KLHL23: variants seen among roughly 807,000 people sequenced by gnomAD.
The protein encoded by KLHL23 is kelch-like protein 23.
In KLHL23, 33 loss-of-function variants were observed where a neutral mutation model predicts 48.9. That is an observed-to-expected ratio of 0.67 (90% CI 0.51 to 0.90). The LOEUF is 0.90. Among genes scored for constraint, KLHL23 ranks in the 40% least tolerant of loss-of-function variants. KLHL23 has a pLI of 0.00. For synonymous variants in KLHL23, 234 were observed against 231.6 expected (o/e 1.01, Z -0.09); for missense variants, 608 against 669.6 (o/e 0.91, Z 1.02).
chr2:169,735,282 G>A lies in KLHL23; in HGVS notation c.268G>A (p.Gly90Ser). ...LSGIHHDILEGLVNYAYTSQI... is the reference protein window; with the variant it reads ...LSGIHHDILESLVNYAYTSQI... ...TGGCATCCACCATGATATTCTGGAA[G>A]GCCTTGTAAATTATGCATACACTTC... Residue 90 changes from glycine to serine, a missense_variant, in exon 2 of 4, where the codon GGC (glycine) becomes AGC (serine). Around this residue, in one of 3 missense-constraint regions of KLHL23, gnomAD observed 419 missense variants for 473.1 expected, o/e 0.89. Coordinates refer to ENST00000392647, the MANE Select transcript of KLHL23 (RefSeq NM_144711.6). The surrounding 1 kb of genome is among the most constrained non-coding windows in gnomAD (Gnocchi z 4.5). 1 of 1,612,300 alleles carries A rather than the reference G, an allele frequency of 6.2e-7. No homozygotes were observed. Among genetic ancestry groups the A allele is most frequent in the South Asian group, 1.1e-5 (1 of 90,264 alleles).
intron 3 of KLHL23, among the ~76,000 whole-genome samples, chr2:169,747,882 A>G (rs1688831977): frequency 6.6e-6 from 1 of 152,076 alleles, no homozygotes; most frequent in Non-Finnish European, 1.5e-5. Flanking sequence ...CTGCACTTTG[A>G]GAGGCTGAGG....
Position 169,749,600 on chromosome 2 carries a change from A to T in KLHL23, c.1545A>T (p.Gly515=), listed in dbSNP as rs1688892395. ...ATGGATGTATTTATGTCACTGGAGG[A>T]TACTCCTACTCAAAGGGAACGTATC... ...IMNGCIYVTG[G]YSYSKGTYLQ... Residue 515 remains glycine, a synonymous_variant, in exon 4 of 4, where the codon GGA becomes GGT. Coordinates refer to ENST00000392647, the MANE Select transcript of KLHL23 (RefSeq NM_144711.6). 1 of 1,614,016 alleles carries T rather than the reference A, an allele frequency of 6.2e-7. No individual in the cohort carries two copies. The highest frequency in any genetic ancestry group is 8.5e-7 in the Non-Finnish European group (1 of 1,180,010).
intron 1 of KLHL23, among the ~76,000 whole-genome samples, chr2:169,734,800 A>G (rs1688472623): frequency 6.6e-6 from 1 of 152,268 alleles, no homozygotes; most frequent in East Asian, 1.9e-4. Context: ...TGAAAAATCC[A>G]GGAGCCTCAT....
rs758769005 is a variant in KLHL23 at position 169,735,791 on chromosome 2, C to T, written c.777C>T (p.Ala259=). The T allele has an allele frequency of 6.2e-7, 1 of 1,614,102 alleles. No individual in the cohort carries two copies. Among genetic ancestry groups the T allele is most frequent in the African/African-American group, 1.3e-5 (1 of 75,052 alleles). The change falls in exon 2 of 4, where the codon GCC becomes GCT. Residue 259 remains alanine, a synonymous_variant. Coordinates refer to ENST00000392647, the MANE Select transcript of KLHL23 (RefSeq NM_144711.6). This position sits in a 1 kb window ranked among gnomAD's most constrained non-coding sequence, Gnocchi z 4.5. ...ENKIRSLIYN[A]LNPMHKEISQ... is the part of the protein sequence containing the mutation. Reference sequence around the variant, plus strand: ...AGATCCGCTCCCTAATATACAATGCCTTGAATCCCATGCATAAAGAGATTT... The same window carrying T: ...AGATCCGCTCCCTAATATACAATGCTTTGAATCCCATGCATAAAGAGATTT...
At chr2:169,734,987 C>A in intron 1 of KLHL23, 26 bp from the exon 2 acceptor site, 2 of 1,515,928 alleles carry the variant, frequency 1.3e-6, no homozygotes, top group Non-Finnish European at 1.8e-6. Flanking sequence ...ATTGAAAACA[C>A]ATTTGTTATT....
chr2:169,745,654 A>C (rs1268299775), intron 3 of KLHL23, among the ~76,000 whole-genome samples: 2 of 152,144 alleles, frequency 1.3e-5, no homozygotes, highest in Non-Finnish European at 2.9e-5. Context: ...TAGGAGTAGA[A>C]AAGAGGGGCC....
rs1688941108 is a variant in KLHL23, at chr2:169,750,173, TG to T, written c.*444del. The stretch of plus-strand genomic sequence containing the variant: ...GTATATATATACACAGTTGAATCAG[TG>T]GGATTAATACCTATAATCTCTGGTT... On this transcript the variant is annotated 3_prime_UTR_variant, in exon 4 of 4. Coordinates refer to ENST00000392647, the MANE Select transcript of KLHL23 (RefSeq NM_144711.6). The T allele has an allele frequency of 6.5e-6, 1 of 152,740 alleles. No homozygotes were observed. The highest frequency in any genetic ancestry group is 6.6e-5 in the Admixed American group (1 of 15,144). 9.5% of individuals were successfully genotyped at this position (152,740 alleles called of 1,614,324 possible).
rs1290003248 is a variant in KLHL23, at chr2:169,735,759, G to A, written c.745G>A (p.Glu249Lys). ...LGLQRSCLLTENKIRSLIYNA... is the reference protein window; with the variant it reads ...LGLQRSCLLTKNKIRSLIYNA... ...CCTTCAAAGAAGCTGCCTGCTCACC[G>A]AAAATAAGATCCGCTCCCTAATATA... Residue 249 changes from glutamate to lysine, a missense_variant, in exon 2 of 4, where the codon GAA (glutamate) becomes AAA (lysine). Transcript: ENST00000392647. The surrounding 1 kb of genome is among the most constrained non-coding windows in gnomAD (Gnocchi z 4.5). The A allele has an allele frequency of 1.5e-5, 25 of 1,613,908 alleles. No individual in the cohort carries two copies. The highest frequency in any genetic ancestry group is 2.0e-5 in the Non-Finnish European group (24 of 1,180,024).
At chr2:169,746,517 C>T (rs756029718) in intron 3 of KLHL23, among the ~76,000 whole-genome samples, 5 of 152,162 alleles carry the variant, frequency 3.3e-5, no homozygotes, top group African/African-American at 4.8e-5. Context: ...CTGCTGTGTG[C>T]ATCCTACATG....
At chr2:169,744,295 T>C (rs1252353731) in intron 3 of KLHL23, among the ~76,000 whole-genome samples, 1 of 152,220 alleles carries the variant, frequency 6.6e-6, no homozygotes, top group East Asian at 1.9e-4. Flanking sequence ...AAGGGAAATC[T>C]GACTATCTTA....
Position 169,750,654 on chromosome 2 carries a change from A to G in KLHL23, c.*922A>G, listed in dbSNP as rs2105663625. On this transcript the variant is annotated 3_prime_UTR_variant, in exon 4 of 4. Coordinates refer to ENST00000392647, the MANE Select transcript of KLHL23 (RefSeq NM_144711.6). ...ATTTATTGTTACTCTCTATTTACTGACTACCAGAGATATACAAAATACTGT... is the reference window on the plus strand; with the variant it reads ...ATTTATTGTTACTCTCTATTTACTGGCTACCAGAGATATACAAAATACTGT... 1 of 152,234 alleles carries G rather than the reference A, an allele frequency of 6.6e-6. No homozygotes were observed. The highest frequency in any genetic ancestry group is 1.9e-4 in the East Asian group (1 of 5,190). 9.4% of individuals were successfully genotyped at this position (152,234 alleles called of 1,614,324 possible). A position where few individuals can be genotyped will look rare whatever the true frequency, so the allele number is the denominator to read the frequency against.
At chr2:169,748,137 A>G (rs1688839387) in intron 3 of KLHL23, among the ~76,000 whole-genome samples, 3 of 152,230 alleles carry the variant, frequency 2.0e-5, no homozygotes, top group African/African-American at 4.8e-5. Flanking sequence ...GAAAGAAAAG[A>G]AAAGAAACAT....
chr2:169,736,252 G>GT (rs763148114), intron 2 of KLHL23, 25 bp downstream of exon 2: 1 of 1,566,122 alleles, frequency 6.4e-7, no homozygotes, highest in South Asian at 1.2e-5. Flanking sequence ...TGTTTATTTT[G>GT]TATTTTTTAG....
intron 2 of KLHL23, among the ~76,000 whole-genome samples, chr2:169,738,530 T>C (rs1688569100): frequency 6.6e-6 from 1 of 152,174 alleles, no homozygotes; most frequent in Admixed American, 6.5e-5. Flanking sequence ...TTGGGTACAG[T>C]CAAATTTAAA....
In KLHL23 at chr2:169,735,971, A is replaced by T. The variant is rs151186019; in HGVS notation, c.957A>T (p.Gly319=). ...TRESYGVTCL[G]PNIYVTGGYR... is the part of the protein sequence containing the mutation. ...AGAGCTATGGTGTTACATGTTTAGG[A>T]CCCAACATTTATGTAACTGGGGGCT... is the stretch of plus-strand genomic sequence containing the variant. Residue 319 remains glycine, a synonymous_variant, in exon 2 of 4, where the codon GGA becomes GGT. Transcript: ENST00000392647. The surrounding 1 kb of genome is among the most constrained non-coding windows in gnomAD (Gnocchi z 4.5). 30 of 1,614,030 alleles carry T rather than the reference A, an allele frequency of 1.9e-5. No individual in the cohort carries two copies. Among genetic ancestry groups the T allele is most frequent in the Non-Finnish European group, 2.5e-5 (29 of 1,180,022 alleles).
chr2:169,736,752 G>T (rs1419244393), intron 2 of KLHL23, among the ~76,000 whole-genome samples: 2 of 152,176 alleles, frequency 1.3e-5, no homozygotes, highest in Admixed American at 6.5e-5. Context: ...ACTATTTTCT[G>T]CTGTGTTTGG....
intron 2 of KLHL23, 92 bp from the exon 3 acceptor site, chr2:169,741,293 T>C (rs1688671268): frequency 2.0e-6 from 3 of 1,493,158 alleles, no homozygotes; most frequent in South Asian, 1.3e-5. Flanking sequence ...TTACCATCAG[T>C]AATAACAAAA....
intron 2 of KLHL23, among the ~76,000 whole-genome samples, chr2:169,739,530 C>G (rs1241918263): frequency 6.6e-6 from 1 of 152,182 alleles, no homozygotes; most frequent in Admixed American, 6.5e-5. Context: ...TTCCCTCTGT[C>G]TAGAATGGCC....
rs1008130019 is a variant in KLHL23 at position 169,743,171 on chromosome 2, A to G, written c.1366+1634A>G. Among the ~76,000 whole-genome samples the G allele has an allele frequency of 4.6e-5, 7 of 152,272 alleles. 1 individual carries two copies. The highest frequency in any genetic ancestry group is 1.3e-4 in the Admixed American group (2 of 15,290). ...GGATAAGCTTATCTTTACAAAGAAA[A>G]TCCGATACATGAAAAGTCAGAATTC... On this transcript the variant is annotated intron_variant, in intron 3 of 3. Transcript: ENST00000392647.
Sources: gnomAD v4.1 joint callset for allele counts (sites outside exome capture counted in the v4.1 genomes callset) on GRCh38, gnomAD v4.1.1 for gene constraint, gnomAD v4.1.1 regional missense constraint, Gnocchi (gnomAD v3.1) non-coding constraint, MANE v1.5 for transcripts, NCBI Gene and HGNC (gene_info 2026-07-23, HGNC 2026-07-21) for gene names.